The following FTCDNL1 variants were observed in gnomAD, a reference collection of about 807,000 sequenced individuals.
FTCDNL1 encodes formiminotransferase N-terminal subdomain-containing protein.
In FTCDNL1, 11 loss-of-function variants were observed where a neutral mutation model predicts 5.9. The ratio of observed to expected loss-of-function variants is 1.87; its 90% CI spans 1.18 to 3.10. The LOEUF (loss-of-function observed/expected upper bound fraction) is 3.10. Among genes scored for constraint, FTCDNL1 ranks in the 30% most tolerant of loss-of-function variants. FTCDNL1 has a pLI of 0.00. For synonymous variants in FTCDNL1, 58 were observed against 24.8 expected, an observed-to-expected ratio of 2.34 and a Z score of -3.99; for missense variants, 115 against 65.5, an observed-to-expected ratio of 1.76 and a Z score of -2.61.
At chr2:199,796,304 G>A (rs1402037468) in intron 3 of FTCDNL1, among the ~76,000 whole-genome samples, 1 of 152,120 alleles carries the variant, frequency 6.6e-6, no homozygotes, top group African/African-American at 2.4e-5. Flanking sequence ...TAGAATAGTT[G>A]CTCCAAATTG....
the FTCDNL1 span, among the ~76,000 whole-genome samples, chr2:199,747,745 A>G: frequency 1.3e-5 from 2 of 152,148 alleles, no homozygotes; most frequent in African/African-American, 4.8e-5. Context: ...GAGAGCTAAA[A>G]GTAGCAAGCA....
the FTCDNL1 span, among the ~76,000 whole-genome samples, chr2:199,730,145 C>T: frequency 6.6e-6 from 1 of 152,168 alleles, no homozygotes; most frequent in Admixed American, 6.5e-5. Context: ...ACTGGCTAGA[C>T]ATATGCAGAA....
downstream of FTCDNL1, among the ~76,000 whole-genome samples, chr2:199,755,755 A>G (rs1698054141): frequency 6.6e-6 from 1 of 152,162 alleles, no homozygotes; most frequent in Non-Finnish European, 1.5e-5. Flanking sequence ...TAAATTACTG[A>G]ACTTTTCTGT....
intron 3 of FTCDNL1, among the ~76,000 whole-genome samples, chr2:199,784,665 G>A (rs916376333): frequency 1.3e-5 from 2 of 152,216 alleles, no homozygotes; most frequent in Non-Finnish European, 2.9e-5. Context: ...CTCTCCCTCA[G>A]ACTTGCCCCA....
the FTCDNL1 span, among the ~76,000 whole-genome samples, chr2:199,691,844 T>TA: frequency 1.9e-4 from 29 of 151,838 alleles, no homozygotes; most frequent in East Asian, 3.3e-3. Flanking sequence ...TCTAATAACT[T>TA]AAAAAAAACA....
the FTCDNL1 span, among the ~76,000 whole-genome samples, chr2:199,712,017 G>A: frequency 6.6e-6 from 1 of 152,044 alleles, no homozygotes; most frequent in Non-Finnish European, 1.5e-5. Context: ...AGACCAGATA[G>A]GAGAATCCAA....
intron 3 of FTCDNL1, among the ~76,000 whole-genome samples, chr2:199,794,210 T>C (rs1279611184): frequency 6.6e-6 from 1 of 152,230 alleles, no homozygotes; most frequent in African/African-American, 2.4e-5. Flanking sequence ...AAATTTTTAA[T>C]ATATTTCCAA....
At chr2:199,845,824 C>T (rs1429681546) in intron 3 of FTCDNL1, among the ~76,000 whole-genome samples, 2 of 147,770 alleles carry the variant, frequency 1.4e-5, no homozygotes, top group Admixed American at 1.3e-4. Flanking sequence ...GATATGTGAT[C>T]ACCTTCAGCA....
At chr2:199,787,131 G>A (rs1480591164) in intron 3 of FTCDNL1, among the ~76,000 whole-genome samples, 1 of 151,904 alleles carries the variant, frequency 6.6e-6, no homozygotes, top group Non-Finnish European at 1.5e-5. Flanking sequence ...AGATATCAAG[G>A]ATAATCTTAA....
Position 199,846,705 on chromosome 2 carries a change from C to T in FTCDNL1, c.116-535G>A, listed in dbSNP as rs531921726. 3.8e-4 allele frequency among the ~76,000 whole-genome samples: 58 copies of T among 152,302 alleles called. 1 individual carries two copies. The South Asian group carries it at 0.012, about 32-fold the overall frequency. ...CCACCATCTCCTTTTCGGAGGCCACCAACAGCCTTCAGATGTTAACAACTT... is the reference window on the plus strand; with the variant it reads ...CCACCATCTCCTTTTCGGAGGCCACTAACAGCCTTCAGATGTTAACAACTT... On this transcript the variant is annotated intron_variant, in intron 2 of 4. Coordinates refer to ENST00000420128, the MANE Select transcript of FTCDNL1 (RefSeq NM_001363886.2).
chr2:199,803,456 TTTTGG>T (rs71019087), intron 3 of FTCDNL1, among the ~76,000 whole-genome samples: 94,194 of 150,300 alleles, frequency 0.63, 30,689 homozygotes, highest in East Asian at 0.84. Context: ...TTTTGTTTTG[TTTTGG>T]TTTGGTTTGG....
intron 4 of FTCDNL1, among the ~76,000 whole-genome samples, chr2:199,817,813 A>C (rs1701443962): frequency 6.6e-6 from 1 of 152,120 alleles, no homozygotes; most frequent in South Asian, 2.1e-4. Flanking sequence ...CAAATCAAAC[A>C]ATATAAAATA....
chr2:199,730,522 G>C, the FTCDNL1 span, among the ~76,000 whole-genome samples: 792 of 152,256 alleles, frequency 5.2e-3, 2 homozygotes, highest in African/African-American at 0.018. Flanking sequence ...CCATCAAAAA[G>C]TGGGCAAAGG....
chr2:199,735,386 T>C, the FTCDNL1 span, among the ~76,000 whole-genome samples: 1 of 152,202 alleles, frequency 6.6e-6, no homozygotes, highest in South Asian at 2.1e-4. Context: ...GTGTTCTGCT[T>C]TATGAGATCC....
the FTCDNL1 span, among the ~76,000 whole-genome samples, chr2:199,691,250 G>C: frequency 6.6e-6 from 1 of 152,300 alleles, no homozygotes; most frequent in African/African-American, 2.4e-5. Flanking sequence ...TTGGCTCACT[G>C]CAACCTCCGC....
chr2:199,806,935 T>C (rs529961292), downstream of FTCDNL1, among the ~76,000 whole-genome samples: 5 of 152,308 alleles, frequency 3.3e-5, no homozygotes, highest in South Asian at 8.3e-4. Flanking sequence ...TCACAGTTGG[T>C]GAAAGGAGGG....
At chr2:199,768,574 GT>G (rs35383132) in intron 3 of FTCDNL1, among the ~76,000 whole-genome samples, 67,021 of 149,674 alleles carry the variant, frequency 0.45, 17,510 homozygotes, top group East Asian at 0.71. Flanking sequence ...GTTGAGATTA[GT>G]TTTTTTTTTT....
chr2:199,743,772 T>C, the FTCDNL1 span, among the ~76,000 whole-genome samples: 1 of 152,118 alleles, frequency 6.6e-6, no homozygotes, highest in Non-Finnish European at 1.5e-5. Flanking sequence ...ACACTACATT[T>C]CCAGAGTGAT....
chr2:199,826,048 C>T (rs2164889), intron 3 of FTCDNL1, among the ~76,000 whole-genome samples: 3,455 of 152,304 alleles, frequency 0.023, 135 homozygotes, highest in East Asian at 0.17. Context: ...AACTGTGATG[C>T]CCAAAAACCT....
Sources: allele counts gnomAD v4.1 joint callset (sites outside exome capture counted in the v4.1 genomes callset), GRCh38; gene constraint gnomAD v4.1.1; transcripts MANE v1.5; gene names NCBI Gene and HGNC (gene_info 2026-07-23, HGNC 2026-07-21).